The following RNASEL variants were observed in gnomAD, a reference collection of about 807,000 sequenced individuals.
The protein encoded by RNASEL is 2-5A-dependent ribonuclease.
RNASEL carries 36 observed loss-of-function variants against 50.9 expected under a neutral mutation model. The observed-to-expected ratio is 0.71, with a 90% CI of 0.54 to 0.93. The LOEUF is 0.93. Among genes scored for constraint, RNASEL ranks in the 40% least tolerant of loss-of-function variants. The probability of loss-of-function intolerance (pLI) is 0.00; values close to 1 mark genes in which losing one functional copy is unlikely to be tolerated. For synonymous variants in RNASEL, 335 were observed against 335.6 expected, an observed-to-expected ratio of 1.00 and a Z score of 0.02; for missense variants, 860 against 894.5, an observed-to-expected ratio of 0.96 and a Z score of 0.49.
chr1:182,588,562 C>T (rs1047369125), intron 1 of RNASEL, among the ~76,000 whole-genome samples: 6 of 152,182 alleles, frequency 3.9e-5, no homozygotes, highest in African/African-American at 1.4e-4. Context: ...TCAGACAGCC[C>T]GAAACTGTTA....
chr1:182,587,155 C>T (rs1661616345), intron 1 of RNASEL, among the ~76,000 whole-genome samples, 185 bp from the exon 2 acceptor site: 1 of 151,866 alleles, frequency 6.6e-6, no homozygotes, highest in African/African-American at 2.4e-5. Flanking sequence ...GTCCCAATGC[C>T]CAGAAACAGC....
Position 182,585,608 on chromosome 1 carries a change from C to A in RNASEL, c.1199G>T (p.Arg400Leu). ...AVKTFCEGSP[R>L]AQREVSCLQS... Reference sequence around the variant, plus strand: ...CAGACAAGAGACTTCCCGCTGTGCACGTGGGCTGCCCTCACAGAACGTCTT... The same window carrying A: ...CAGACAAGAGACTTCCCGCTGTGCAAGTGGGCTGCCCTCACAGAACGTCTT... The change falls in exon 2 of 7, where the codon CGT becomes CTT. Residue 400 changes from arginine (R) to leucine (L), a missense_variant. Transcript: ENST00000367559. 2.5e-6 allele frequency: 4 copies of A among 1,614,166 alleles called. No individual in the cohort carries two copies. Among genetic ancestry groups the A allele is most frequent in the South Asian group, 1.1e-5 (1 of 91,090 alleles).
At position 182,582,159 on chromosome 1, in the gene RNASEL, C is replaced by T. The variant is rs1255186873; in HGVS notation, c.1666G>A (p.Asp556Asn). 3 of 1,614,110 alleles carry T rather than the reference C, an allele frequency of 1.9e-6. No homozygotes were observed. Among genetic ancestry groups the T allele is most frequent in the Non-Finnish European group, 2.5e-6 (3 of 1,180,050 alleles). Reference sequence around the variant, plus strand: ...TGAATGAGGTCCTTAGTTTCCTCATCTGGAGAAAGTTGAACCACCTCTTCA... The same window carrying T: ...TGAATGAGGTCCTTAGTTTCCTCATTTGGAGAAAGTTGAACCACCTCTTCA... The part of the protein sequence containing the change: ...SNEEVVQLSP[D>N]EETKDLIHRL... Residue 556 changes from aspartate (D) to asparagine (N), a missense_variant, in exon 4 of 7, where the codon GAT (aspartate) becomes AAT (asparagine). Coordinates refer to ENST00000367559, the MANE Select transcript of RNASEL (RefSeq NM_021133.4).
chr1:182,581,718 G>T (rs1223469151), intron 4 of RNASEL, among the ~76,000 whole-genome samples: 6 of 151,954 alleles, frequency 3.9e-5, no homozygotes, highest in Non-Finnish European at 8.8e-5. Flanking sequence ...CTGACCTCAT[G>T]ATCCACCCGC....
At chr1:182,578,898 AAAG>A (rs1375413220) in intron 5 of RNASEL, 1 of 152,252 alleles carries the variant, frequency 6.6e-6, no homozygotes, top group African/African-American at 2.4e-5. Flanking sequence ...CAGCCATAAA[AAAG>A]AAGAATGAAA....
chr1:182,583,879 T>A (rs73061339), intron 3 of RNASEL, among the ~76,000 whole-genome samples: 3 of 152,148 alleles, frequency 2.0e-5, no homozygotes, highest in Non-Finnish European at 4.4e-5. Context: ...GACTGACCCA[T>A]CACTGGCTTC....
In RNASEL at chr1:182,575,108, G is replaced by T; in HGVS notation, c.*284C>A. 2.2e-6 allele frequency: 1 copy of T among 464,340 alleles called. No homozygotes were observed. Among genetic ancestry groups the T allele is most frequent in the South Asian group, 2.8e-5 (1 of 35,706 alleles). The allele number at this position is 464,340 out of a possible 1,614,324, so 28.8% of individuals were successfully genotyped here. On this transcript the variant is annotated 3_prime_UTR_variant, in exon 7 of 7. Transcript: ENST00000367559. ...ATTAAGTGAGAGAATTGTAACATAT[G>T]CAGCATTAGGGGTCAAGGCACTCAT...
At chr1:182,580,302 G>C (rs1661466908) in intron 5 of RNASEL, among the ~76,000 whole-genome samples, 1 of 152,206 alleles carries the variant, frequency 6.6e-6, no homozygotes, top group South Asian at 2.1e-4. Context: ...GTCTAGCAAG[G>C]AAAATGGACC....
chr1:182,575,627 C>T (rs1217448664), intron 6 of RNASEL, 49 bp from the exon 7 acceptor site: 2 of 1,606,836 alleles, frequency 1.2e-6, no homozygotes, highest in Non-Finnish European at 1.7e-6. Context: ...AATTATTCTT[C>T]CCCGCTTCAC....
intron 5 of RNASEL, 136 bp downstream of exon 5, chr1:182,581,089 G>A (rs570674125): frequency 3.1e-6 from 4 of 1,282,900 alleles, no homozygotes; most frequent in African/African-American, 1.5e-5. Flanking sequence ...GATAGGGATG[G>A]GAGGGCAGGA....
intron 1 of RNASEL, among the ~76,000 whole-genome samples, chr1:182,588,856 G>A (rs1661648144): frequency 6.6e-6 from 1 of 152,214 alleles, no homozygotes; most frequent in South Asian, 2.1e-4. Context: ...ACGCATCAGA[G>A]TAGAGAAGAG....
rs1467399479 is a variant in RNASEL at position 182,574,582 on chromosome 1, T to C, written c.*810A>G. Reference sequence around the variant, plus strand: ...TGATATTTTTGTCTGGATAATTCTTTGTTGCAGGGGCTGTCCTGTGCAAGG... The same window carrying C: ...TGATATTTTTGTCTGGATAATTCTTCGTTGCAGGGGCTGTCCTGTGCAAGG... On this transcript the variant is annotated 3_prime_UTR_variant, in exon 7 of 7. Coordinates refer to ENST00000367559, the MANE Select transcript of RNASEL (RefSeq NM_021133.4). 4.3e-6 allele frequency: 1 copy of C among 232,630 alleles called. No homozygotes were observed. Among genetic ancestry groups the C allele is most frequent in the Non-Finnish European group, 8.5e-6 (1 of 117,816 alleles). The allele number at this position is 232,630 out of a possible 1,614,324, so 14.4% of individuals were successfully genotyped here.
chr1:182,577,342 C>T (rs1172160232), intron 5 of RNASEL, among the ~76,000 whole-genome samples: 1 of 151,986 alleles, frequency 6.6e-6, no homozygotes, highest in Non-Finnish European at 1.5e-5. Flanking sequence ...GACTACTATA[C>T]TAGGAAAGTC....
In RNASEL at chr1:182,583,440, A is replaced by C. The variant is rs1345192587; in HGVS notation, c.1566+641T>G. Among the ~76,000 whole-genome samples, 7 of 152,188 alleles carry C rather than the reference A, an allele frequency of 4.6e-5. No homozygotes were observed. In the East Asian group the frequency reaches 1.3e-3, roughly 29 times the overall value. ...TCCTGGTTAAAATAGAATGCCCTCC[A>C]ATTGCCCATAGGAAATAAGGTAATG... On this transcript the variant is annotated intron_variant, in intron 3 of 6. Coordinates refer to ENST00000367559, the MANE Select transcript of RNASEL (RefSeq NM_021133.4).
chr1:182,582,749 C>T (rs1661519726), intron 3 of RNASEL, among the ~76,000 whole-genome samples: 1 of 152,148 alleles, frequency 6.6e-6, no homozygotes, highest in Admixed American at 6.5e-5. Flanking sequence ...CTAAGGAACT[C>T]TTTGCACTAG....
At chr1:182,582,332 C>T in intron 3 of RNASEL, 74 bp from the exon 4 acceptor site, 1 of 1,542,776 alleles carries the variant, frequency 6.5e-7, no homozygotes, top group South Asian at 1.1e-5. Flanking sequence ...GTGGTGCACG[C>T]TATTAGCAAA....
chr1:182,583,118 T>G (rs1479088541), intron 3 of RNASEL, among the ~76,000 whole-genome samples: 1 of 152,204 alleles, frequency 6.6e-6, no homozygotes, highest in African/African-American at 2.4e-5. Context: ...TCACTTACTT[T>G]GTTCCTAGGT....
In RNASEL at chr1:182,576,371, TC is replaced by T. The variant is rs1666313988; in HGVS notation, c.1923del (p.Met641IlefsTer4). The part of the protein sequence containing the change: ...KWTTKINECV[M>X]KKMNKFYEKR... ...TTTTCATAAAACTTATTCATTTTTT[TC>T]ATAACACATTCATTAATCTAAAAAA... is the stretch of plus-strand genomic sequence containing the variant. On this transcript the variant is annotated frameshift_variant, in exon 6 of 7. Transcript: ENST00000367559. LOFTEE classifies it high-confidence loss of function. The T allele has an allele frequency of 6.3e-7, 1 of 1,583,064 alleles. No individual in the cohort carries two copies. Among genetic ancestry groups the T allele is most frequent in the Admixed American group, 1.7e-5 (1 of 59,614 alleles).
At chr1:182,581,054 G>A (rs1661483324) in intron 5 of RNASEL, among the ~76,000 whole-genome samples, 171 bp downstream of exon 5, 1 of 152,172 alleles carries the variant, frequency 6.6e-6, no homozygotes, top group East Asian at 1.9e-4. Flanking sequence ...AGTAGAAGTA[G>A]ACACCCCGGC....
Sources: allele counts gnomAD v4.1 joint callset (sites outside exome capture counted in the v4.1 genomes callset), GRCh38; gene constraint gnomAD v4.1.1; transcripts MANE v1.5; gene names NCBI Gene and HGNC (gene_info 2026-07-23, HGNC 2026-07-21).